Variants in NALCN observed in about 807,000 individuals in gnomAD.
NALCN encodes sodium leak channel, non-selective.
Under a neutral mutation model 225.3 loss-of-function variants are expected in NALCN, and 111 were observed. The ratio of observed to expected loss-of-function variants is 0.49; its 90% CI spans 0.42 to 0.58. NALCN has a LOEUF of 0.58. NALCN is among the 20% of genes least tolerant of loss of function. The pLI, the probability that NALCN is intolerant of heterozygous loss-of-function variation, is 0.00. For synonymous variants in NALCN, 764 were observed against 769.0 expected (o/e 0.99, Z 0.11); for missense variants, 1,378 against 2,202.4 (o/e 0.63, Z 7.49).
chr13:101,176,394 CAATG>C lies in NALCN; in HGVS notation c.1765-24_1765-21del. ...GAGGATCTATAAAATGGTGAAATAA[CAATG>C]AAAAAACCCACATGCCATAAGTATC... On this transcript the variant is annotated intron_variant, in intron 14 of 43. Coordinates refer to ENST00000251127, the MANE Select transcript of NALCN (RefSeq NM_052867.4). The C allele has an allele frequency of 6.4e-7, 1 of 1,571,536 alleles. No homozygotes were observed. Among genetic ancestry groups the C allele is most frequent in the Non-Finnish European group, 8.6e-7 (1 of 1,162,354 alleles).
chr13:101,255,597 C>T (rs1159098659), intron 11 of NALCN, among the ~76,000 whole-genome samples: 1 of 152,162 alleles, frequency 6.6e-6, no homozygotes, highest in African/African-American at 2.4e-5. Context: ...GCATTTTTGC[C>T]AGCAAATCTT....
chr13:101,390,010 A>T (rs2047099990), intron 3 of NALCN, among the ~76,000 whole-genome samples: 1 of 152,174 alleles, frequency 6.6e-6, no homozygotes, highest in Non-Finnish European at 1.5e-5. Context: ...TGAACCCAGA[A>T]GGTGGAGGTT....
At chr13:101,091,287 C>T (rs1407122290) in intron 28 of NALCN, among the ~76,000 whole-genome samples, 2 of 152,180 alleles carry the variant, frequency 1.3e-5, no homozygotes, top group East Asian at 1.9e-4. Context: ...TTTTTTCCCC[C>T]TGCTAGCTCA....
At chr13:101,366,083 C>T (rs1379568882) in intron 6 of NALCN, among the ~76,000 whole-genome samples, 1 of 152,162 alleles carries the variant, frequency 6.6e-6, no homozygotes, top group African/African-American at 2.4e-5. Context: ...GGGGAGATTT[C>T]TGCCATCACA....
intron 34 of NALCN, among the ~76,000 whole-genome samples, chr13:101,080,912 C>T (rs1036828): frequency 0.39 from 58,956 of 151,678 alleles, 11,672 homozygotes; most frequent in East Asian, 0.57. Flanking sequence ...CAGTTCAGTA[C>T]ACCCATAGCT....
At chr13:101,367,747 G>A (rs1195882458) in intron 6 of NALCN, among the ~76,000 whole-genome samples, 1 of 151,994 alleles carries the variant, frequency 6.6e-6, no homozygotes, top group African/African-American at 2.4e-5. Flanking sequence ...TAAAAGGTGA[G>A]ATCATAAATA....
intron 1 of NALCN, among the ~76,000 whole-genome samples, chr13:101,410,995 T>G (rs887195960): frequency 6.6e-6 from 1 of 152,196 alleles, no homozygotes; most frequent in African/African-American, 2.4e-5. Flanking sequence ...ATCTTGGAAT[T>G]GTATATCCAA....
intron 7 of NALCN, among the ~76,000 whole-genome samples, chr13:101,324,203 G>T (rs562807189): frequency 6.6e-6 from 1 of 152,104 alleles, no homozygotes; most frequent in South Asian, 2.1e-4. Context: ...CTCGTAACAC[G>T]TCTCAACTGG....
chr13:101,211,562 G>GA lies in NALCN; in HGVS notation c.1626+17830dup, dbSNP rs200579076. Among the ~76,000 whole-genome samples, 201 of 142,162 alleles carry GA rather than the reference G, an allele frequency of 1.4e-3. 2 individuals carry two copies. In the East Asian group the frequency reaches 0.022, roughly 15 times the overall value. 93.3% of individuals were successfully genotyped at this position (142,162 alleles called of 152,430 possible). ...AAAAATAAATTCCAACAGGAGCAAG[G>GA]AAAAAAAAACCCTAATGTTATAGTA... is the stretch of plus-strand genomic sequence containing the variant. On this transcript the variant is annotated intron_variant, in intron 13 of 43. Transcript: ENST00000251127.
intron 18 of NALCN, among the ~76,000 whole-genome samples, chr13:101,119,705 C>T (rs1348087064): frequency 6.6e-6 from 1 of 152,192 alleles, no homozygotes; most frequent in Non-Finnish European, 1.5e-5. Flanking sequence ...GAAAAGGTCA[C>T]TGCCTTTTGA....
chr13:101,259,969 C>T lies in NALCN; in HGVS notation c.1135-1395G>A, dbSNP rs565342236. ...TATGCTAGCAAATAGTAGGTCTTATCTATTCTTTCTATTTTTTTTGTTCCC... is the reference window on the plus strand; with the variant it reads ...TATGCTAGCAAATAGTAGGTCTTATTTATTCTTTCTATTTTTTTTGTTCCC... On this transcript the variant is annotated intron_variant, in intron 10 of 43. Coordinates refer to ENST00000251127, the MANE Select transcript of NALCN (RefSeq NM_052867.4). Among the ~76,000 whole-genome samples the T allele has an allele frequency of 1.1e-3, 147 of 134,630 alleles. 1 individual carries two copies. Among genetic ancestry groups the T allele is most frequent in the Middle Eastern group, 8.0e-3 (2 of 250 alleles). The allele number at this position is 134,630 out of a possible 152,430, so 88.3% of individuals were successfully genotyped here. A position where few individuals can be genotyped will look rare whatever the true frequency, so the allele number is the denominator to read the frequency against.
At chr13:101,323,420 C>T (rs182577088) in intron 7 of NALCN, among the ~76,000 whole-genome samples, 345 of 152,304 alleles carry the variant, frequency 2.3e-3, no homozygotes, top group African/African-American at 6.6e-3. Context: ...GCTATGTGAA[C>T]GACACAATGC....
chr13:101,411,723 T>C (rs1199301913), intron 1 of NALCN, among the ~76,000 whole-genome samples: 5 of 152,218 alleles, frequency 3.3e-5, no homozygotes, highest in Non-Finnish European at 5.9e-5. Flanking sequence ...GTTATAAATG[T>C]ATTAAAGATA....
At chr13:101,178,170 G>GT (rs2039039294) in intron 14 of NALCN, among the ~76,000 whole-genome samples, 2 of 152,148 alleles carry the variant, frequency 1.3e-5, no homozygotes, top group Non-Finnish European at 2.9e-5. Context: ...CAGAGGCAGA[G>GT]TCTACCTTCC....
At chr13:101,078,510 A>G (rs1325503061) in intron 34 of NALCN, among the ~76,000 whole-genome samples, 2 of 152,210 alleles carry the variant, frequency 1.3e-5, no homozygotes, top group African/African-American at 2.4e-5. Context: ...TTAATGTTTA[A>G]TGACTGCCCT....
At chr13:101,172,946 A>G (rs547838855) in intron 15 of NALCN, among the ~76,000 whole-genome samples, 246 of 152,310 alleles carry the variant, frequency 1.6e-3, no homozygotes, top group African/African-American at 5.7e-3. Context: ...TTACATATTA[A>G]CACAGTTAAA....
At position 101,240,656 on chromosome 13, in the gene NALCN, A is replaced by G. The variant is rs1324663044; in HGVS notation, c.1267-2734T>C. 2.0e-5 allele frequency among the ~76,000 whole-genome samples: 3 copies of G among 152,286 alleles called. No homozygotes were observed. The East Asian group carries it at 5.8e-4, about 29-fold the overall frequency. ...TACAAAATGGTAATAATAGGAATCC[A>G]TAACTTGCTCCTTGTTTTCAATGAA... On this transcript the variant is annotated intron_variant, in intron 11 of 43. Coordinates refer to ENST00000251127, the MANE Select transcript of NALCN (RefSeq NM_052867.4).
chr13:101,350,534 G>T (rs1005471962), intron 6 of NALCN, among the ~76,000 whole-genome samples: 1 of 151,930 alleles, frequency 6.6e-6, no homozygotes, highest in African/African-American at 2.4e-5. Flanking sequence ...TGTTTGTGTG[G>T]TCATCTGTTC....
In NALCN at chr13:101,140,856, C is replaced by A. The variant is rs558138500; in HGVS notation, c.2118+2224G>T. Reference sequence around the variant, plus strand: ...GGAGGATCACTTGAGCTCAGGAGTTCAAGGCTATAGTGCACTATGGCCGTG... The same window carrying A: ...GGAGGATCACTTGAGCTCAGGAGTTAAAGGCTATAGTGCACTATGGCCGTG... On this transcript the variant is annotated intron_variant, in intron 17 of 43. Coordinates refer to ENST00000251127, the MANE Select transcript of NALCN (RefSeq NM_052867.4). 8.5e-5 allele frequency among the ~76,000 whole-genome samples: 13 copies of A among 152,238 alleles called. No homozygotes were observed. In the South Asian group the frequency reaches 2.5e-3, roughly 29 times the overall value.
Sources: gnomAD v4.1 joint callset for allele counts (sites outside exome capture counted in the v4.1 genomes callset) on GRCh38, gnomAD v4.1.1 for gene constraint, MANE v1.5 for transcripts, NCBI Gene and HGNC (gene_info 2026-07-23, HGNC 2026-07-21) for gene names.